SEZ6L: variants seen among roughly 807,000 people sequenced by gnomAD.
SEZ6L encodes seizure related 6 homolog like, also known as seizure 6-like protein.
Under a neutral mutation model 106.2 loss-of-function variants are expected in SEZ6L, and 37 were observed. The ratio of observed to expected loss-of-function variants is 0.35; its 90% CI spans 0.27 to 0.46. The LOEUF (loss-of-function observed/expected upper bound fraction) is 0.46. Ranked by LOEUF, SEZ6L falls within the 20% of genes least tolerant of loss-of-function variation. The pLI is 1.00. For synonymous variants in SEZ6L, 541 were observed against 570.4 expected (o/e 0.95, Z 0.73); for missense variants, 1,172 against 1,332.8 (o/e 0.88, Z 1.88).
At chr22:26,336,934 A>ATGATGATGACGATAGTGATGATGG (rs2082663527) in intron 9 of SEZ6L, among the ~76,000 whole-genome samples, 1 of 152,172 alleles carries the variant, frequency 6.6e-6, no homozygotes, top group Non-Finnish European at 1.5e-5. Context: ...GGTGGTGATG[A>ATGATGATGACGATAGTGATGATGG]TGATGATGAC....
chr22:26,376,285 T>G (rs1324245583), intron 15 of SEZ6L, among the ~76,000 whole-genome samples: 1 of 151,714 alleles, frequency 6.6e-6, no homozygotes, highest in Non-Finnish European at 1.5e-5. Flanking sequence ...AAGCAAAGTA[T>G]GTAAGAAAAT....
chr22:26,257,553 G>T (rs1423220222), intron 1 of SEZ6L, among the ~76,000 whole-genome samples: 1 of 152,184 alleles, frequency 6.6e-6, no homozygotes, highest in Non-Finnish European at 1.5e-5. Context: ...CCCTCAGGGA[G>T]CTCCCAATAA....
In SEZ6L at chr22:26,311,868, C is replaced by T. The variant is rs370996675; in HGVS notation, c.1782C>T (p.Cys594=). ...YNIGTIVEFT[C]DPGHSLEQGP... is the part of the protein sequence containing the mutation. The stretch of plus-strand genomic sequence containing the variant: ...TTGGGACTATAGTGGAGTTCACCTG[C>T]GACCCCGGCCACTCCCTGGAGCAGG... Residue 594 remains cysteine, a synonymous_variant, in exon 8 of 17, where the codon TGC becomes TGT. Transcript: ENST00000248933. 1.1e-5 allele frequency: 17 copies of T among 1,614,140 alleles called. No homozygotes were observed. The highest frequency in any genetic ancestry group is 2.7e-5 in the African/African-American group (2 of 75,024).
chr22:26,292,999 C>G lies in SEZ6L; in HGVS notation c.688C>G (p.Gln230Glu). ...CGGGGAGCCTGGGCCTGACATGGCCCAGGAGGCCCCCCAGGAGGACACCAG... is the reference window on the plus strand; with the variant it reads ...CGGGGAGCCTGGGCCTGACATGGCCGAGGAGGCCCCCCAGGAGGACACCAG... ...EPGEPGPDMA[Q>E]EAPQEDTSPM... is the part of the protein sequence containing the mutation. The change falls in exon 2 of 17, where the codon CAG becomes GAG. Residue 230 changes from glutamine (Q) to glutamate (E), a missense_variant. Gln to Glu is a conservative substitution (Grantham distance 29). Coordinates refer to ENST00000248933, the MANE Select transcript of SEZ6L (RefSeq NM_021115.5). 6.2e-7 allele frequency: 1 copy of G among 1,614,042 alleles called. No homozygotes were observed. Among genetic ancestry groups the G allele is most frequent in the South Asian group, 1.1e-5 (1 of 91,074 alleles).
At chr22:26,256,804 G>GCC (rs892427055) in intron 1 of SEZ6L, among the ~76,000 whole-genome samples, 6 of 152,204 alleles carry the variant, frequency 3.9e-5, no homozygotes, top group African/African-American at 1.4e-4. Flanking sequence ...GCTTTAAGAA[G>GCC]CCCTCCCTGG....
chr22:26,222,859 C>T (rs999365379), intron 1 of SEZ6L, among the ~76,000 whole-genome samples: 1 of 151,998 alleles, frequency 6.6e-6, no homozygotes, highest in African/African-American at 2.4e-5. Context: ...TTTTGCCCAC[C>T]AGGAGATATC....
chr22:26,303,940 C>G (rs936057036), intron 5 of SEZ6L, among the ~76,000 whole-genome samples: 1 of 152,082 alleles, frequency 6.6e-6, no homozygotes, highest in Non-Finnish European at 1.5e-5. Flanking sequence ...GACTTGAAAC[C>G]CTGGTCATGG....
Position 26,377,717 on chromosome 22 carries a change from A to C in SEZ6L, c.2987A>C (p.His996Pro). The C allele has an allele frequency of 6.2e-7, 1 of 1,613,230 alleles. No individual in the cohort carries two copies. Residue 996 changes from histidine to proline, a missense_variant, in exon 16 of 17, where the codon CAC (histidine) becomes CCC (proline). Coordinates refer to ENST00000248933, the MANE Select transcript of SEZ6L (RefSeq NM_021115.5). ...CTCCGCCTGCCTCTGATGTACTCCCACCCCTACAGCCAGATCACCGTGGAA... is the reference window on the plus strand; with the variant it reads ...CTCCGCCTGCCTCTGATGTACTCCCCCCCCTACAGCCAGATCACCGTGGAA... ...SNLRLPLMYS[H>P]PYSQITVETE...
chr22:26,290,570 A>G (rs1352346778), intron 1 of SEZ6L, among the ~76,000 whole-genome samples: 1 of 152,186 alleles, frequency 6.6e-6, no homozygotes, highest in Non-Finnish European at 1.5e-5. Context: ...AAATGACTAA[A>G]TGGTTTTACC....
chr22:26,308,163 C>T lies in SEZ6L; in HGVS notation c.1514+2019C>T, dbSNP rs141171150. ...CTAAAATACCACAATATGTCAGTTG[C>T]AAGAACTCAGAGCTAGATAAGACTC... On this transcript the variant is annotated intron_variant, in intron 6 of 16. Transcript: ENST00000248933. Among the ~76,000 whole-genome samples the T allele has an allele frequency of 2.0e-5, 3 of 152,170 alleles. No homozygotes were observed. In the East Asian group the frequency reaches 5.8e-4, roughly 29 times the overall value.
intron 1 of SEZ6L, among the ~76,000 whole-genome samples, chr22:26,220,334 G>T (rs570082954): frequency 5.9e-5 from 9 of 152,310 alleles, no homozygotes; most frequent in African/African-American, 2.2e-4. Context: ...CATTTGCATA[G>T]AATTGTAAGT....
intron 1 of SEZ6L, among the ~76,000 whole-genome samples, chr22:26,287,147 T>C (rs1323474709): frequency 6.6e-6 from 1 of 151,956 alleles, no homozygotes; most frequent in Non-Finnish European, 1.5e-5. Context: ...GAAAGAGAGA[T>C]ACGCTGCTGC....
intron 13 of SEZ6L, among the ~76,000 whole-genome samples, chr22:26,367,035 A>G (rs1171791493): frequency 6.6e-6 from 1 of 152,156 alleles, no homozygotes; most frequent in Non-Finnish European, 1.5e-5. Context: ...ACTAAAATAT[A>G]TATACATTTA....
intron 13 of SEZ6L, among the ~76,000 whole-genome samples, chr22:26,371,580 T>C (rs1379916417): frequency 6.6e-6 from 1 of 151,792 alleles, no homozygotes; most frequent in Non-Finnish European, 1.5e-5. Flanking sequence ...TGCAGTGGGC[T>C]GAGATTGCAC....
At chr22:26,368,916 G>T (rs753503588) in intron 13 of SEZ6L, among the ~76,000 whole-genome samples, 2 of 152,054 alleles carry the variant, frequency 1.3e-5, no homozygotes, top group Non-Finnish European at 2.9e-5. Context: ...ACTTGAACCC[G>T]CATCTCATGA....
intron 10 of SEZ6L, among the ~76,000 whole-genome samples, chr22:26,341,179 A>T (rs776454168): frequency 6.6e-6 from 1 of 152,098 alleles, no homozygotes; most frequent in Non-Finnish European, 1.5e-5. Context: ...CACTTCTTGT[A>T]CTTTAGGAGC....
Position 26,373,130 on chromosome 22 carries a change from A to G in SEZ6L, c.2795-321A>G, listed in dbSNP as rs114146828. ...ATGGGGATGATAATAGCATTGACCTAACAAGATTGTTATGAGGATTAACTG... is the reference window on the plus strand; with the variant it reads ...ATGGGGATGATAATAGCATTGACCTGACAAGATTGTTATGAGGATTAACTG... On this transcript the variant is annotated intron_variant, in intron 13 of 16. Transcript: ENST00000248933. Among the ~76,000 whole-genome samples the G allele has an allele frequency of 2.5e-3, 374 of 152,312 alleles. 1 individual carries two copies. Among genetic ancestry groups the G allele is most frequent in the African/African-American group, 8.7e-3 (360 of 41,572 alleles).
In SEZ6L at chr22:26,343,838, A is replaced by G. The variant is rs573800072; in HGVS notation, c.2212+3206A>G. Among the ~76,000 whole-genome samples, 6 of 152,364 alleles carry G rather than the reference A, an allele frequency of 3.9e-5. 1 individual carries two copies. The South Asian group carries it at 1.2e-3, about 32-fold the overall frequency. On this transcript the variant is annotated intron_variant, in intron 10 of 16. Transcript: ENST00000248933. ...AGAAACACACAGTTAATTTCACAAG[A>G]ATGGCAAATAGACCGTTCTAGCTAA...
intron 1 of SEZ6L, among the ~76,000 whole-genome samples, chr22:26,195,641 A>G (rs1243559605): frequency 6.6e-6 from 1 of 152,202 alleles, no homozygotes; most frequent in African/African-American, 2.4e-5. Flanking sequence ...AGCTGATGAT[A>G]CAGTGACAAA....
Sources: gnomAD v4.1 joint callset for allele counts (sites outside exome capture counted in the v4.1 genomes callset) on GRCh38, gnomAD v4.1.1 for gene constraint, MANE v1.5 for transcripts, NCBI Gene and HGNC (gene_info 2026-07-23, HGNC 2026-07-21) for gene names.